Variants in LEMD1 observed in about 807,000 individuals in gnomAD.
The protein encoded by LEMD1 is LEM domain containing 1.
Under a neutral mutation model 17.4 loss-of-function variants are expected in LEMD1, and 18 were observed. The ratio of observed to expected loss-of-function variants is 1.04; its 90% confidence interval spans 0.72 to 1.54. LEMD1 has a LOEUF of 1.54. Among genes scored for constraint, LEMD1 ranks in the 40% most tolerant of loss-of-function variants. The pLI is 0.00. For synonymous variants in LEMD1, 88 were observed against 77.8 expected, an observed-to-expected ratio of 1.13 and a Z score of -0.69; for missense variants, 195 against 210.4, an observed-to-expected ratio of 0.93 and a Z score of 0.45.
At chr1:205,399,835 A>G (rs1664755593) in intron 4 of LEMD1, among the ~76,000 whole-genome samples, 1 of 152,190 alleles carries the variant, frequency 6.6e-6, no homozygotes, top group African/African-American at 2.4e-5. Flanking sequence ...GAATAGGGAG[A>G]AAGGAAAATG....
At chr1:205,426,910 G>T (rs932523175), upstream of LEMD1, among the ~76,000 whole-genome samples, 3 of 152,132 alleles carry the variant, frequency 2.0e-5, no homozygotes, top group Admixed American at 2.0e-4. Context: ...GACCAAGTGT[G>T]TCCCTCACCC....
Position 205,405,006 on chromosome 1 carries a change from C to CT in LEMD1, c.270+11225dup, listed in dbSNP as rs1451593851. 2.0e-5 allele frequency among the ~76,000 whole-genome samples: 3 copies of CT among 152,294 alleles called. No individual in the cohort carries two copies. The East Asian group carries it at 5.8e-4, about 29-fold the overall frequency. Reference sequence around the variant, plus strand: ...GAAATTCTGGGTTGAAAATTCTTTTCTTTAAGAATGTTGAATATTGGCCCC... The same window carrying CT: ...GAAATTCTGGGTTGAAAATTCTTTTCTTTTAAGAATGTTGAATATTGGCCCC... On this transcript the variant is annotated intron_variant, in intron 4 of 5. Coordinates refer to ENST00000367153, the MANE Select transcript of LEMD1 (RefSeq NM_001199050.2).
intron 1 of LEMD1, among the ~76,000 whole-genome samples, chr1:205,443,545 T>TAGCTG (rs1216409669): frequency 3.9e-5 from 6 of 152,200 alleles, no homozygotes; most frequent in Non-Finnish European, 7.4e-5. Context: ...GGCTGTAGCC[T>TAGCTG]GGCTCCCGAG....
At chr1:205,419,917 G>A (rs1291514961) in intron 2 of LEMD1, among the ~76,000 whole-genome samples, 2 of 152,032 alleles carry the variant, frequency 1.3e-5, no homozygotes, top group Admixed American at 1.3e-4. Flanking sequence ...CTATCTATGG[G>A]GAATACAGAT....
chr1:205,418,197 G>A (rs1320104851), intron 3 of LEMD1, among the ~76,000 whole-genome samples: 2 of 152,186 alleles, frequency 1.3e-5, no homozygotes, highest in African/African-American at 4.8e-5. Context: ...GGCCCAGGTT[G>A]CACTGGTGGC....
At chr1:205,408,864 C>T (rs199859338) in intron 4 of LEMD1, among the ~76,000 whole-genome samples, 1 of 119,424 alleles carries the variant, frequency 8.4e-6, no homozygotes, top group Non-Finnish European at 1.9e-5. Flanking sequence ...CTTAAACAAA[C>T]AACAACAACA....
chr1:205,392,915 C>T (rs2102360174), intron 4 of LEMD1, among the ~76,000 whole-genome samples: 1 of 152,270 alleles, frequency 6.6e-6, no homozygotes. Flanking sequence ...ACATCATAAT[C>T]AAACTTCTGA....
At chr1:205,431,205 T>C (rs999068848) in intron 1 of LEMD1, among the ~76,000 whole-genome samples, 2 of 152,250 alleles carry the variant, frequency 1.3e-5, no homozygotes, top group African/African-American at 4.8e-5. Context: ...TAATCATTCC[T>C]GACCTCTCCG....
chr1:205,415,032 A>G (rs1381787246), intron 4 of LEMD1, among the ~76,000 whole-genome samples: 1 of 152,148 alleles, frequency 6.6e-6, no homozygotes, highest in Non-Finnish European at 1.5e-5. Context: ...GGGGCAGTCC[A>G]GTAACTCCAA....
intron 1 of LEMD1, among the ~76,000 whole-genome samples, chr1:205,444,797 G>A (rs1300217171): frequency 9.2e-5 from 14 of 152,062 alleles, no homozygotes; most frequent in Admixed American, 9.2e-4. Context: ...TAAACAAGAA[G>A]AGGGATATTG....
Position 205,420,055 on chromosome 1 carries a change from C to T in LEMD1, c.82+400G>A, listed in dbSNP as rs192515757. Among the ~76,000 whole-genome samples, 218 of 152,278 alleles carry T rather than the reference C, an allele frequency of 1.4e-3. 1 individual carries two copies. The highest frequency in any genetic ancestry group is 5.0e-3 in the African/African-American group (209 of 41,558). ...TCCATGCGCTGGGTGTGGTGACTCA[C>T]GCCTGTAATTCCAGCACTTTGGGAG... On this transcript the variant is annotated intron_variant, in intron 2 of 5. Coordinates refer to ENST00000367153, the MANE Select transcript of LEMD1 (RefSeq NM_001199050.2).
intron 4 of LEMD1, among the ~76,000 whole-genome samples, chr1:205,399,438 T>C (rs1664738103): frequency 6.6e-6 from 1 of 152,204 alleles, no homozygotes; most frequent in East Asian, 1.9e-4. Flanking sequence ...TACAGATACA[T>C]ACATTTATTT....
chr1:205,416,743 G>A (rs1282899287), intron 3 of LEMD1, among the ~76,000 whole-genome samples: 1 of 152,218 alleles, frequency 6.6e-6, no homozygotes, highest in Non-Finnish European at 1.5e-5. Context: ...GGACGGAAAA[G>A]GATGTTGTTA....
upstream of LEMD1, among the ~76,000 whole-genome samples, chr1:205,426,943 T>C (rs1369858381): frequency 6.6e-6 from 1 of 151,976 alleles, no homozygotes; most frequent in Admixed American, 6.6e-5. Flanking sequence ...GAAATGATAA[T>C]GAACAGTAGT....
intron 4 of LEMD1, among the ~76,000 whole-genome samples, chr1:205,411,524 C>T (rs1365417122): frequency 7.0e-6 from 1 of 142,880 alleles, no homozygotes; most frequent in African/African-American, 2.6e-5. Context: ...CCACTGCACT[C>T]CAGCCTAGGC....
intron 1 of LEMD1, among the ~76,000 whole-genome samples, chr1:205,432,045 A>G (rs1364141701): frequency 1.3e-5 from 2 of 152,184 alleles, no homozygotes; most frequent in African/African-American, 4.8e-5. Flanking sequence ...ACCAGCCTGC[A>G]GTCCCTTCCC....
At position 205,384,268 on chromosome 1, in the gene LEMD1, A is replaced by G; in HGVS notation, c.347+20T>C. The stretch of plus-strand genomic sequence containing the variant: ...AATACAATAATATCAATTTCCACAT[A>G]TGCTAAAAAACATCATTACCTTCTT... On this transcript the variant is annotated intron_variant, in intron 5 of 5. Coordinates refer to ENST00000367153, the MANE Select transcript of LEMD1 (RefSeq NM_001199050.2). 1 of 1,396,550 alleles carries G rather than the reference A, an allele frequency of 7.2e-7. No homozygotes were observed. The highest frequency in any genetic ancestry group is 9.6e-7 in the Non-Finnish European group (1 of 1,044,942). The allele number at this position is 1,396,550 out of a possible 1,614,324, so 86.5% of individuals were successfully genotyped here. A position where few individuals can be genotyped will look rare whatever the true frequency, so the allele number is the denominator to read the frequency against.
At chr1:205,412,292 C>T (rs572845401) in intron 4 of LEMD1, among the ~76,000 whole-genome samples, 2 of 152,164 alleles carry the variant, frequency 1.3e-5, no homozygotes, top group East Asian at 3.9e-4. Flanking sequence ...GTAACATAAG[C>T]TGTGCCTAGT....
intron 5 of LEMD1, 25 bp downstream of exon 5, chr1:205,384,263 C>T (rs1219020302): frequency 3.7e-6 from 5 of 1,346,122 alleles, no homozygotes; most frequent in African/African-American, 1.5e-5. Flanking sequence ...TATCAATTTC[C>T]ACATATGCTA....
Sources: allele counts gnomAD v4.1 joint callset (sites outside exome capture counted in the v4.1 genomes callset), GRCh38; gene constraint gnomAD v4.1.1; transcripts MANE v1.5; gene names NCBI Gene and HGNC (gene_info 2026-07-23, HGNC 2026-07-21).